The following CERT1 variants were observed in gnomAD, a reference collection of about 807,000 sequenced individuals.
CERT1 encodes the protein ceramide transporter 1.
CERT1 carries 31 observed loss-of-function variants against 87.9 expected under a neutral mutation model. That is an observed-to-expected ratio of 0.35 (90% CI 0.27 to 0.48). The LOEUF (loss-of-function observed/expected upper bound fraction) is 0.48, where lower values mean the gene tolerates loss of function less well. CERT1 is among the 20% of genes least tolerant of loss of function. The pLI is 0.99. For synonymous variants in CERT1, 289 were observed against 250.9 expected (o/e 1.15, Z -1.44); for missense variants, 487 against 758.0 (o/e 0.64, Z 4.20).
In CERT1 at chr5:75,400,264, T is replaced by C. The variant is rs758627495; in HGVS notation, c.1051A>G (p.Thr351Ala). 6.2e-7 allele frequency: 1 copy of C among 1,613,740 alleles called. No homozygotes were observed. The highest frequency in any genetic ancestry group is 1.7e-5 in the Admixed American group (1 of 60,016). Reference sequence around the variant, plus strand: ...AAGGCATCTCCAGAGGGCAAGGATGTAGGCCAATGTAATCTCACCTTTTCA... The same window carrying C: ...AAGGCATCTCCAGAGGGCAAGGATGCAGGCCAATGTAATCTCACCTTTTCA... ...QSEKVRLHWP[T>A]SLPSGDAFSS... Residue 351 changes from threonine (T) to alanine (A), a missense_variant, in exon 10 of 17, where the codon ACA (threonine) becomes GCA (alanine). Transcript: ENST00000643780.
At chr5:75,380,049 A>T (rs1357892574) in intron 16 of CERT1, among the ~76,000 whole-genome samples, 1 of 152,242 alleles carries the variant, frequency 6.6e-6, no homozygotes, top group East Asian at 1.9e-4. Context: ...TTTAGGGCAG[A>T]TTATTCACAA....
chr5:75,451,656 C>A (rs1764774175), intron 3 of CERT1, among the ~76,000 whole-genome samples: 2 of 152,078 alleles, frequency 1.3e-5, no homozygotes, highest in African/African-American at 4.8e-5. Context: ...CTGTTAAAAT[C>A]CAATATTGAT....
At chr5:75,489,451 T>C (rs1249744387) in intron 2 of CERT1, among the ~76,000 whole-genome samples, 1 of 152,036 alleles carries the variant, frequency 6.6e-6, no homozygotes, top group Non-Finnish European at 1.5e-5. Context: ...ATCATCAGAG[T>C]GAACAGGCAA....
chr5:75,443,103 C>CT (rs1454599575), intron 3 of CERT1, among the ~76,000 whole-genome samples: 2 of 152,000 alleles, frequency 1.3e-5, no homozygotes, highest in African/African-American at 4.8e-5. Context: ...TTTGAATGTT[C>CT]TTTTTTCCTT....
intron 11 of CERT1, among the ~76,000 whole-genome samples, chr5:75,394,041 A>G (rs1472810495): frequency 2.0e-5 from 3 of 152,206 alleles, no homozygotes; most frequent in African/African-American, 7.2e-5. Context: ...ATAATTATTA[A>G]TAACAAAATA....
intron 2 of CERT1, among the ~76,000 whole-genome samples, chr5:75,463,776 C>T (rs1294411425): frequency 6.6e-6 from 1 of 152,050 alleles, no homozygotes; most frequent in Non-Finnish European, 1.5e-5. Flanking sequence ...AAATCTATCT[C>T]CCCGATTAAC....
At chr5:75,381,806 T>C in intron 15 of CERT1, 143 bp downstream of exon 15, 1 of 770,194 alleles carries the variant, frequency 1.3e-6, no homozygotes, top group Non-Finnish European at 2.1e-6. Context: ...GGCTATACTG[T>C]TCCTAGCAGT....
intron 2 of CERT1, among the ~76,000 whole-genome samples, chr5:75,484,656 TG>T (rs1389828351): frequency 1.3e-5 from 2 of 151,942 alleles, no homozygotes; most frequent in African/African-American, 4.8e-5. Flanking sequence ...CGTTACATAA[TG>T]ACAAAGGGGT....
chr5:75,467,840 T>C (rs755492264), intron 2 of CERT1, among the ~76,000 whole-genome samples: 16 of 152,154 alleles, frequency 1.1e-4, no homozygotes, highest in Non-Finnish European at 1.9e-4. Flanking sequence ...ATTTCCTGTT[T>C]TTGATATTTT....
intron 2 of CERT1, among the ~76,000 whole-genome samples, chr5:75,498,792 A>C (rs1561305932): frequency 6.6e-6 from 1 of 152,200 alleles, no homozygotes; most frequent in African/African-American, 2.4e-5. Flanking sequence ...CACAATCCTC[A>C]CTGGGCAGTA....
At chr5:75,476,007 T>C (rs996531992) in intron 2 of CERT1, among the ~76,000 whole-genome samples, 2 of 152,228 alleles carry the variant, frequency 1.3e-5, no homozygotes, top group African/African-American at 4.8e-5. Flanking sequence ...GTCAGTTATA[T>C]GCTTTAAAAA....
intron 3 of CERT1, among the ~76,000 whole-genome samples, chr5:75,441,636 C>G (rs1327509515): frequency 6.6e-6 from 1 of 152,212 alleles, no homozygotes; most frequent in Non-Finnish European, 1.5e-5. Flanking sequence ...ATGAATTTGA[C>G]TACTCTATGC....
rs1768011983 is a variant in CERT1, at chr5:75,511,621, C to T, written c.-414G>A. ...TACCGCCGCCATCTTCCTGCCTGGCCCACTATTTACCCTCCCCTCCCCTGT... is the reference window on the plus strand; with the variant it reads ...TACCGCCGCCATCTTCCTGCCTGGCTCACTATTTACCCTCCCCTCCCCTGT... On this transcript the variant is annotated 5_prime_UTR_variant, in exon 1 of 17. Transcript: ENST00000643780. The T allele has an allele frequency of 6.8e-7, 1 of 1,476,984 alleles. No individual in the cohort carries two copies. The highest frequency in any genetic ancestry group is 9.0e-7 in the Non-Finnish European group (1 of 1,112,188). 91.5% of individuals were successfully genotyped at this position (1,476,984 alleles called of 1,614,324 possible).
intron 13 of CERT1, among the ~76,000 whole-genome samples, chr5:75,385,386 T>A (rs930362905): frequency 2.6e-5 from 4 of 152,162 alleles, no homozygotes; most frequent in African/African-American, 9.7e-5. Context: ...GGCAGAAGAA[T>A]CACTTGAACT....
intron 11 of CERT1, among the ~76,000 whole-genome samples, chr5:75,398,597 G>T (rs1474278157): frequency 1.3e-5 from 2 of 151,996 alleles, no homozygotes; most frequent in Non-Finnish European, 2.9e-5. Context: ...AAGATGTGAA[G>T]ATTAAGAAAA....
chr5:75,458,223 C>G (rs879433216), intron 3 of CERT1, among the ~76,000 whole-genome samples: 2 of 152,000 alleles, frequency 1.3e-5, no homozygotes, highest in Non-Finnish European at 2.9e-5. Flanking sequence ...TATTTATTAA[C>G]AGAAGTCAAA....
intron 2 of CERT1, among the ~76,000 whole-genome samples, chr5:75,485,312 C>CAAAAAAAAAAAAAAAAAAAAA (rs757349878): frequency 7.3e-4 from 34 of 46,444 alleles, no homozygotes; most frequent in East Asian, 1.2e-3. Context: ...CACAAAAATA[C>CAAAAAAAAAAAAAAAAAAAAA]AAAAAAAAAA....
chr5:75,434,098 G>A (rs1763985135), intron 3 of CERT1, among the ~76,000 whole-genome samples: 1 of 151,466 alleles, frequency 6.6e-6, no homozygotes, highest in Non-Finnish European at 1.5e-5. Context: ...TCCAGCTTTT[G>A]CCTGTTCAGT....
intron 11 of CERT1, among the ~76,000 whole-genome samples, chr5:75,398,341 C>T (rs1262430282): frequency 2.6e-4 from 39 of 152,042 alleles, no homozygotes; most frequent in African/African-American, 7.0e-4. Context: ...TTTATTAGCT[C>T]AAAGAAATTA....
Sources: allele counts gnomAD v4.1 joint callset (sites outside exome capture counted in the v4.1 genomes callset), GRCh38; gene constraint gnomAD v4.1.1; transcripts MANE v1.5; gene names NCBI Gene and HGNC (gene_info 2026-07-23, HGNC 2026-07-21).